CPN1: variants seen among roughly 807,000 people sequenced by gnomAD.
The protein encoded by CPN1 is carboxypeptidase N catalytic chain.
A neutral mutation model predicts 46.4 loss-of-function variants in CPN1; 37 were observed. That is an observed-to-expected ratio of 0.80 (90% CI 0.61 to 1.05). CPN1 has a LOEUF of 1.05. CPN1 is among the 50% of genes least tolerant of loss of function. The pLI is 0.00. For missense variants in CPN1, 563 were observed against 602.6 expected, an observed-to-expected ratio of 0.93 and a Z score of 0.69; for synonymous variants, 224 against 235.4, an observed-to-expected ratio of 0.95 and a Z score of 0.44.
intron 1 of CPN1, among the ~76,000 whole-genome samples, chr10:100,080,341 A>C (rs2041537644): frequency 6.6e-6 from 1 of 152,214 alleles, no homozygotes; most frequent in Non-Finnish European, 1.5e-5. Flanking sequence ...AGTGATGTAG[A>C]TCTGCACTTA....
chr10:100,063,753 C>T, intron 4 of CPN1, 28 bp from the exon 5 acceptor site: 1 of 1,552,122 alleles, frequency 6.4e-7, no homozygotes, highest in Admixed American at 1.7e-5. Flanking sequence ...GGAAAACGAC[C>T]TTGATGATTC....
intron 8 of CPN1, among the ~76,000 whole-genome samples, chr10:100,045,823 G>A (rs2133423651): frequency 6.6e-6 from 1 of 152,266 alleles, no homozygotes; most frequent in Middle Eastern, 3.4e-3. Flanking sequence ...TAAAAGACAA[G>A]CTTGACTGGA....
intron 1 of CPN1, among the ~76,000 whole-genome samples, chr10:100,078,080 C>T (rs1448051536): frequency 6.6e-6 from 1 of 151,896 alleles, no homozygotes; most frequent in African/African-American, 2.4e-5. Context: ...GGGTCTTGCT[C>T]AGTCATTCAT....
intron 8 of CPN1, among the ~76,000 whole-genome samples, chr10:100,047,675 G>A (rs1201256069): frequency 6.6e-6 from 1 of 152,042 alleles, no homozygotes; most frequent in Non-Finnish European, 1.5e-5. Flanking sequence ...AAATTGGTAT[G>A]CTCACACAAA....
At chr10:100,061,831 T>C (rs2041420283) in intron 5 of CPN1, among the ~76,000 whole-genome samples, 1 of 152,194 alleles carries the variant, frequency 6.6e-6, no homozygotes, top group Non-Finnish European at 1.5e-5. Context: ...CATTTAAAAT[T>C]ACGGATGTAT....
chr10:100,081,052 T>C (rs2133452168), intron 1 of CPN1, among the ~76,000 whole-genome samples: 1 of 152,102 alleles, frequency 6.6e-6, no homozygotes, highest in African/African-American at 2.4e-5. Flanking sequence ...TGCCTATGTC[T>C]CCTGAGCCAT....
chr10:100,055,300 A>C (rs989161944), intron 6 of CPN1, among the ~76,000 whole-genome samples: 2 of 151,856 alleles, frequency 1.3e-5, no homozygotes, highest in African/African-American at 4.8e-5. Flanking sequence ...AACTCTTTTT[A>C]TCTTAAAAAA....
At chr10:100,057,265 A>C (rs1438431287) in intron 5 of CPN1, 113 bp from the exon 6 acceptor site, 9 of 1,212,692 alleles carry the variant, frequency 7.4e-6, no homozygotes, top group Non-Finnish European at 9.3e-6. Flanking sequence ...TTTGGGAATT[A>C]CCTTTTAATT....
intron 5 of CPN1, among the ~76,000 whole-genome samples, chr10:100,062,365 C>T (rs1379335521): frequency 2.0e-5 from 3 of 152,142 alleles, no homozygotes; most frequent in African/African-American, 7.2e-5. Flanking sequence ...GGCCAATGTC[C>T]ATGGCAAACC....
chr10:100,042,674 T>C (rs775236039), intron 8 of CPN1, 101 bp from the exon 9 acceptor site: 26 of 1,464,356 alleles, frequency 1.8e-5, no homozygotes, highest in Non-Finnish European at 2.4e-5. Context: ...ATTATAGCAG[T>C]GACCCAGAGA....
chr10:100,055,355 C>CCG (rs1306895553), intron 6 of CPN1, among the ~76,000 whole-genome samples: 6 of 151,652 alleles, frequency 4.0e-5, no homozygotes, highest in African/African-American at 1.5e-4. Context: ...ATTATCCCCC[C>CCG]CCCCAGCCCC....
chr10:100,077,387 C>A (rs1358268355), intron 1 of CPN1, among the ~76,000 whole-genome samples: 1 of 151,980 alleles, frequency 6.6e-6, no homozygotes, highest in African/African-American at 2.4e-5. Context: ...CCTGCCACCA[C>A]ACTTGGCTGA....
chr10:100,042,922 T>A (rs1236899059), intron 8 of CPN1, among the ~76,000 whole-genome samples: 3 of 151,776 alleles, frequency 2.0e-5, no homozygotes, highest in Non-Finnish European at 4.4e-5. Flanking sequence ...TGAAACCCTG[T>A]CTCTACTAAA....
At chr10:100,071,658 T>C (rs1243914048) in intron 2 of CPN1, among the ~76,000 whole-genome samples, 1 of 152,200 alleles carries the variant, frequency 6.6e-6, no homozygotes, top group East Asian at 1.9e-4. Context: ...AAAATGTAGT[T>C]AGGCCTATGA....
intron 2 of CPN1, 63 bp from the exon 3 acceptor site, chr10:100,069,932 T>G: frequency 6.3e-7 from 1 of 1,599,276 alleles, no homozygotes; most frequent in East Asian, 2.2e-5. Flanking sequence ...TTTCTAACTT[T>G]TTTTTTTGGA....
intron 1 of CPN1, among the ~76,000 whole-genome samples, chr10:100,078,341 C>T (rs896748720): frequency 6.6e-6 from 1 of 152,212 alleles, no homozygotes; most frequent in African/African-American, 2.4e-5. Context: ...CACAGCTGGC[C>T]TCTACTTTCA....
At chr10:100,081,306 G>T in intron 1 of CPN1, 97 bp downstream of exon 1, 1 of 1,012,086 alleles carries the variant, frequency 9.9e-7, no homozygotes. Context: ...CTTGTAGGCG[G>T]AGGCGTCCAC....
At chr10:100,053,319 A>G (rs1023419167) in intron 7 of CPN1, among the ~76,000 whole-genome samples, 1 of 152,164 alleles carries the variant, frequency 6.6e-6, no homozygotes, top group African/African-American at 2.4e-5. Context: ...GTGTAGTAAA[A>G]TTCAGGTGAG....
chr10:100,048,960 G>C (rs2041333619), intron 7 of CPN1, 84 bp from the exon 8 acceptor site: 1 of 1,159,050 alleles, frequency 8.6e-7, no homozygotes, highest in Non-Finnish European at 1.3e-6. Flanking sequence ...CTACAAGGTT[G>C]GCTTTTCTTT....
Sources: gnomAD v4.1 joint callset for allele counts (sites outside exome capture counted in the v4.1 genomes callset) on GRCh38, gnomAD v4.1.1 for gene constraint, MANE v1.5 for transcripts, NCBI Gene and HGNC (gene_info 2026-07-23, HGNC 2026-07-21) for gene names.